The following LRRC74A variants were observed in gnomAD, a reference collection of about 807,000 sequenced individuals.
The protein encoded by LRRC74A is leucine-rich repeat-containing protein 74A.
In LRRC74A, 44 loss-of-function variants were observed where a neutral mutation model predicts 57.9. The observed-to-expected ratio is 0.76, with a 90% CI of 0.60 to 0.98. The LOEUF (loss-of-function observed/expected upper bound fraction) is 0.98. LRRC74A is among the 50% of genes least tolerant of loss of function. The probability of loss-of-function intolerance (pLI) is 0.00; values close to 1 mark genes in which losing one functional copy is unlikely to be tolerated. For synonymous variants in LRRC74A, 211 were observed against 219.4 expected (o/e 0.96, Z 0.34); for missense variants, 572 against 574.0 (o/e 1.00, Z 0.04).
At chr14:76,849,009 G>A (rs903372147) in intron 7 of LRRC74A, among the ~76,000 whole-genome samples, 1 of 152,228 alleles carries the variant, frequency 6.6e-6, no homozygotes, top group Non-Finnish European at 1.5e-5. Context: ...CAGACCACTA[G>A]GGTTGATGGG....
chr14:76,833,706 G>A lies in LRRC74A; in HGVS notation c.339+2331G>A, dbSNP rs7146704. Reference sequence around the variant, plus strand: ...GATCCTCCCGCCTTGGCCTCTCAAAGTGCTGGGATTACAGGCATGAGCCAC... The same window carrying A: ...GATCCTCCCGCCTTGGCCTCTCAAAATGCTGGGATTACAGGCATGAGCCAC... On this transcript the variant is annotated intron_variant, in intron 3 of 13. Transcript: ENST00000689127. 8.8e-3 allele frequency among the ~76,000 whole-genome samples: 1,332 copies of A among 152,128 alleles called. 22 individuals carry two copies. Among genetic ancestry groups the A allele is most frequent in the African/African-American group, 0.03 (1,230 of 41,492 alleles).
intron 4 of LRRC74A, 25 bp downstream of exon 4, chr14:76,836,339 C>G (rs758489504): frequency 1.3e-6 from 2 of 1,522,514 alleles, no homozygotes; most frequent in Middle Eastern, 1.7e-4. Flanking sequence ...TGTGCTGGCT[C>G]TTACCATCAT....
At chr14:76,853,601 T>C (rs1244075457) in intron 9 of LRRC74A, among the ~76,000 whole-genome samples, 191 bp downstream of exon 9, 2 of 152,174 alleles carry the variant, frequency 1.3e-5, no homozygotes, top group Admixed American at 6.5e-5. Context: ...ATAAAGCCAG[T>C]GTCACCCTCA....
chr14:76,870,194 G>A lies in LRRC74A; in HGVS notation c.*45G>A, dbSNP rs749296490. 7.5e-6 allele frequency: 12 copies of A among 1,591,816 alleles called. No homozygotes were observed. The highest frequency in any genetic ancestry group is 1.1e-5 in the South Asian group (1 of 87,814). ...AGAAGTCTCGGCGAGAGGAGTCCTC[G>A]CAAGTCGGATGGTGGCAGGGAGGAG... On this transcript the variant is annotated 3_prime_UTR_variant, in exon 14 of 14. Transcript: ENST00000689127.
At chr14:76,838,070 C>T in intron 5 of LRRC74A, 99 bp downstream of exon 5, 1 of 801,004 alleles carries the variant, frequency 1.2e-6, no homozygotes, top group South Asian at 1.8e-5. Context: ...AGACCATGTC[C>T]TTCTAGTCTT....
chr14:76,853,183 T>G, intron 8 of LRRC74A, 33 bp from the exon 9 acceptor site: 1 of 1,564,278 alleles, frequency 6.4e-7, no homozygotes, highest in East Asian at 2.2e-5. Flanking sequence ...CGCGTAACCT[T>G]GATGCTGGTG....
At chr14:76,837,117 G>C (rs958263099) in intron 4 of LRRC74A, among the ~76,000 whole-genome samples, 3 of 152,186 alleles carry the variant, frequency 2.0e-5, no homozygotes, top group African/African-American at 7.2e-5. Flanking sequence ...ACTCCAGCCT[G>C]GGTGACAGAG....
At chr14:76,867,268 GTTGGGGGGGTAGTGTGT>G (rs1306602422) in intron 12 of LRRC74A, 71 bp from the exon 13 acceptor site, 18 of 420,390 alleles carry the variant, frequency 4.3e-5, no homozygotes, top group East Asian at 3.7e-4. Flanking sequence ...GGGTGTGTGT[GTTGGGGGGGTAGTGTGT>G]TTGGGGGGGT....
intron 4 of LRRC74A, among the ~76,000 whole-genome samples, chr14:76,836,914 G>A (rs1896391122): frequency 6.6e-6 from 1 of 151,866 alleles, no homozygotes; most frequent in South Asian, 2.1e-4. Context: ...GGCAAAGTGG[G>A]CAGATCACCT....
chr14:76,844,325 A>T, intron 5 of LRRC74A, 98 bp from the exon 6 acceptor site: 6 of 1,153,190 alleles, frequency 5.2e-6, no homozygotes, highest in Admixed American at 4.1e-5. Flanking sequence ...TTTCTGTTCG[A>T]TTGTTCTAAA....
At chr14:76,851,985 T>TG (rs1373874787) in intron 7 of LRRC74A, among the ~76,000 whole-genome samples, 1 of 152,146 alleles carries the variant, frequency 6.6e-6, no homozygotes, top group Non-Finnish European at 1.5e-5. Context: ...TTATAAATGA[T>TG]GCCATGGTAA....
chr14:76,831,149 G>A, intron 2 of LRRC74A, 54 bp from the exon 3 acceptor site: 3 of 1,571,598 alleles, frequency 1.9e-6, no homozygotes, highest in Non-Finnish European at 2.6e-6. Context: ...GGCTAGAGGG[G>A]AGAGAAGGCA....
intron 13 of LRRC74A, among the ~76,000 whole-genome samples, chr14:76,869,435 G>T (rs913782543): frequency 1.3e-5 from 2 of 151,738 alleles, no homozygotes; most frequent in East Asian, 3.9e-4. Context: ...TTTGTTTTAT[G>T]TTACAAATAA....
At chr14:76,851,046 G>A (rs1033875910) in intron 7 of LRRC74A, among the ~76,000 whole-genome samples, 1 of 152,144 alleles carries the variant, frequency 6.6e-6, no homozygotes, top group African/African-American at 2.4e-5. Context: ...TGTTTAAATA[G>A]GATGTTCCAA....
At chr14:76,867,593 C>T (rs1187650403) in intron 13 of LRRC74A, among the ~76,000 whole-genome samples, 155 bp downstream of exon 13, 6 of 152,122 alleles carry the variant, frequency 3.9e-5, no homozygotes, top group African/African-American at 1.4e-4. Flanking sequence ...ACTGTCTACC[C>T]CCCTTCTCAT....
chr14:76,827,187 GGCACTCAGCAGTCTGACA>G (rs1895636916), intron 1 of LRRC74A, among the ~76,000 whole-genome samples: 1 of 152,066 alleles, frequency 6.6e-6, no homozygotes, highest in Non-Finnish European at 1.5e-5. Flanking sequence ...CTTTTCTAAG[GGCACTCAGCAGTCTGACA>G]GCCAAGCTGT....
chr14:76,827,473 A>G (rs1895654959), intron 1 of LRRC74A, among the ~76,000 whole-genome samples: 1 of 152,104 alleles, frequency 6.6e-6, no homozygotes, highest in Non-Finnish European at 1.5e-5. Flanking sequence ...GAAACTACTG[A>G]GTCCTGTCAG....
intron 11 of LRRC74A, among the ~76,000 whole-genome samples, chr14:76,863,475 T>C (rs1898490986): frequency 6.6e-6 from 1 of 152,214 alleles, no homozygotes; most frequent in Non-Finnish European, 1.5e-5. Context: ...TCTTGCCCTC[T>C]GGGTCTCGCT....
At chr14:76,862,895 G>A (rs986519989) in intron 11 of LRRC74A, among the ~76,000 whole-genome samples, 10 of 152,198 alleles carry the variant, frequency 6.6e-5, no homozygotes, top group African/African-American at 1.9e-4. Context: ...CTCTGAGTTC[G>A]AGTTTGATTC....
Sources: gnomAD v4.1 joint callset for allele counts (sites outside exome capture counted in the v4.1 genomes callset) on GRCh38, gnomAD v4.1.1 for gene constraint, MANE v1.5 for transcripts, NCBI Gene and HGNC (gene_info 2026-07-23, HGNC 2026-07-21) for gene names.